GHR: variants seen among roughly 807,000 people sequenced by gnomAD.
GHR encodes the protein growth hormone receptor.
In GHR, 35 loss-of-function variants were observed where a neutral mutation model predicts 67.1. That is an observed-to-expected ratio of 0.52 (90% confidence interval 0.40 to 0.69). The LOEUF is 0.69. Among genes scored for constraint, GHR ranks in the 30% least tolerant of loss-of-function variants. The pLI is 0.00. For synonymous variants in GHR, 272 were observed against 269.1 expected (o/e 1.01, Z -0.10); for missense variants, 792 against 764.6 (o/e 1.04, Z -0.42).
intron 1 of GHR, among the ~76,000 whole-genome samples, chr5:42,492,603 A>C (rs1294083223): frequency 6.6e-6 from 1 of 152,220 alleles, no homozygotes; most frequent in Non-Finnish European, 1.5e-5. Flanking sequence ...GTAATTTTTA[A>C]AAGTAATTAA....
chr5:42,638,434 A>G (rs1754308799), intron 3 of GHR, among the ~76,000 whole-genome samples: 2 of 152,216 alleles, frequency 1.3e-5, no homozygotes, highest in Admixed American at 6.5e-5. Context: ...AGGTAATTTC[A>G]TCATTGTGTA....
chr5:42,579,151 TATAGATAGATAGATAG>T (rs10533483), intron 2 of GHR, among the ~76,000 whole-genome samples: 231 of 88,272 alleles, frequency 2.6e-3, no homozygotes, highest in African/African-American at 8.2e-3. Flanking sequence ...GATAGATAGA[TATAGATAGATAGATAG>T]ATAGATAGAT....
At chr5:42,707,697 C>G (rs187186536) in intron 6 of GHR, among the ~76,000 whole-genome samples, 6,414 of 151,332 alleles carry the variant, frequency 0.042, 189 homozygotes, top group African/African-American at 0.084. Context: ...TCCTAGGTTT[C>G]TGTGTGTGTG....
chr5:42,647,708 A>G (rs1754813951), intron 3 of GHR: 1 of 443,448 alleles, frequency 2.3e-6, no homozygotes, highest in Non-Finnish European at 4.5e-6. Context: ...TGAAGGAAGC[A>G]TGAATGAAAT....
At chr5:42,528,232 G>GA (rs1561097683) in intron 1 of GHR, among the ~76,000 whole-genome samples, 1 of 151,962 alleles carries the variant, frequency 6.6e-6, no homozygotes, top group Non-Finnish European at 1.5e-5. Flanking sequence ...ATGGATCTAA[G>GA]AAAAATACAT....
intron 3 of GHR, among the ~76,000 whole-genome samples, chr5:42,674,052 C>A (rs1246284678): frequency 2.0e-5 from 3 of 152,116 alleles, no homozygotes; most frequent in African/African-American, 7.2e-5. Context: ...CTGCCAGCTA[C>A]TAAGTTTCAG....
intron 3 of GHR, among the ~76,000 whole-genome samples, chr5:42,681,403 A>G (rs2111592182): frequency 6.6e-6 from 1 of 152,332 alleles, no homozygotes; most frequent in African/African-American, 2.4e-5. Flanking sequence ...CAAAACCACA[A>G]TGAGATACCA....
intron 1 of GHR, among the ~76,000 whole-genome samples, chr5:42,427,348 CA>C (rs1742897835): frequency 1.3e-5 from 2 of 152,338 alleles, no homozygotes; most frequent in Admixed American, 1.3e-4. Context: ...GCATGTCTTA[CA>C]TGACAGCAGG....
chr5:42,585,398 T>C (rs1275268445), intron 2 of GHR, among the ~76,000 whole-genome samples: 1 of 151,824 alleles, frequency 6.6e-6, no homozygotes, highest in East Asian at 2.0e-4. Flanking sequence ...TGACATCTTA[T>C]TTTATGTGTG....
At chr5:42,591,722 C>T (rs1353933229) in intron 2 of GHR, among the ~76,000 whole-genome samples, 1 of 152,082 alleles carries the variant, frequency 6.6e-6, no homozygotes, top group Non-Finnish European at 1.5e-5. Flanking sequence ...CTCTGCAGCC[C>T]CCTTACCCTC....
chr5:42,440,395 G>C (rs998038700), intron 1 of GHR, among the ~76,000 whole-genome samples: 4 of 152,044 alleles, frequency 2.6e-5, no homozygotes, highest in Non-Finnish European at 5.9e-5. Context: ...AATGGGTAGA[G>C]AAAAAATAGG....
At chr5:42,662,315 C>T (rs1755685900) in intron 3 of GHR, among the ~76,000 whole-genome samples, 1 of 152,080 alleles carries the variant, frequency 6.6e-6, no homozygotes, top group African/African-American at 2.4e-5. Flanking sequence ...TTTTTCAGCA[C>T]CACACCACAC....
At chr5:42,605,820 C>T (rs1171907907) in intron 2 of GHR, among the ~76,000 whole-genome samples, 1 of 152,220 alleles carries the variant, frequency 6.6e-6, no homozygotes, top group African/African-American at 2.4e-5. Context: ...CGGAGTTCTA[C>T]TAATTGCCTG....
intron 2 of GHR, among the ~76,000 whole-genome samples, chr5:42,604,385 C>T (rs1425569957): frequency 2.0e-5 from 3 of 152,234 alleles, no homozygotes; most frequent in African/African-American, 7.2e-5. Flanking sequence ...CCTGGTCTCT[C>T]TCTGCAGCAT....
intron 6 of GHR, among the ~76,000 whole-genome samples, chr5:42,703,197 A>AT (rs1175633155): frequency 1.3e-5 from 2 of 152,016 alleles, no homozygotes; most frequent in Non-Finnish European, 2.9e-5. Context: ...CAGGTTTTAC[A>AT]TTTAAGTCTT....
At chr5:42,545,298 G>T (rs1053759166) in intron 1 of GHR, among the ~76,000 whole-genome samples, 1 of 152,124 alleles carries the variant, frequency 6.6e-6, no homozygotes, top group African/African-American at 2.4e-5. Context: ...GCTAAAAGCT[G>T]CATTTCCTAG....
intron 2 of GHR, among the ~76,000 whole-genome samples, chr5:42,613,212 C>A (rs1752971889): frequency 6.6e-6 from 1 of 152,050 alleles, no homozygotes. Flanking sequence ...TTCAGCAATC[C>A]CAACCACATC....
chr5:42,474,295 GAGAA>G lies in GHR; in HGVS notation c.-12+50382_-12+50385del, dbSNP rs59927289. Among the ~76,000 whole-genome samples, 479 of 81,112 alleles carry G rather than the reference GAGAA, an allele frequency of 5.9e-3. 15 individuals are homozygous for G. Among genetic ancestry groups the G allele is most frequent in the Admixed American group, 0.042 (306 of 7,288 alleles). The allele number at this position is 81,112 out of a possible 152,430, so 53.2% of individuals were successfully genotyped here. On this transcript the variant is annotated intron_variant, in intron 1 of 9. Transcript: ENST00000230882. ...AGAAAGAAAGAAAGAAAAAGAGAAA[GAGAA>G]AGAAAGAAAGAAAGAAAGAAAGAAA...
chr5:42,531,039 G>A (rs1409050253), intron 1 of GHR, among the ~76,000 whole-genome samples: 1 of 152,118 alleles, frequency 6.6e-6, no homozygotes, highest in Non-Finnish European at 1.5e-5. Flanking sequence ...AGGCCAAGGT[G>A]GGTGGATCAC....
Sources: gnomAD v4.1 joint callset for allele counts (sites outside exome capture counted in the v4.1 genomes callset) on GRCh38, gnomAD v4.1.1 for gene constraint, MANE v1.5 for transcripts, NCBI Gene and HGNC (gene_info 2026-07-23, HGNC 2026-07-21) for gene names.